MAGI1: variants seen among roughly 807,000 people sequenced by gnomAD.
MAGI1 encodes the protein membrane-associated guanylate kinase, WW and PDZ domain-containing protein 1.
Under a neutral mutation model 139.9 loss-of-function variants are expected in MAGI1, and 58 were observed. That is an observed-to-expected ratio of 0.41 (90% confidence interval 0.34 to 0.52). MAGI1 has a LOEUF of 0.52. Among genes scored for constraint, MAGI1 ranks in the 20% least tolerant of loss-of-function variants. The pLI is 0.12. For synonymous variants in MAGI1, 812 were observed against 737.9 expected, an observed-to-expected ratio of 1.10 and a Z score of -1.63; for missense variants, 1,874 against 1,901.6, an observed-to-expected ratio of 0.99 and a Z score of 0.27.
intron 1 of MAGI1, among the ~76,000 whole-genome samples, chr3:65,887,618 T>A (rs950199663): frequency 6.6e-6 from 1 of 152,026 alleles, no homozygotes; most frequent in African/African-American, 2.4e-5. Flanking sequence ...ATAAAACTCA[T>A]GAAAAACTAA....
chr3:65,725,583 A>G (rs2033512684), intron 1 of MAGI1, among the ~76,000 whole-genome samples: 1 of 152,206 alleles, frequency 6.6e-6, no homozygotes, highest in Admixed American at 6.5e-5. Context: ...GCTGGCAAGT[A>G]GGCATGTGGA....
chr3:65,524,796 T>C (rs751282041), intron 2 of MAGI1, among the ~76,000 whole-genome samples: 24 of 152,114 alleles, frequency 1.6e-4, no homozygotes, highest in Non-Finnish European at 2.9e-4. Flanking sequence ...ATTCTAACTC[T>C]CTCTCAGCTC....
intron 16 of MAGI1, 113 bp from the exon 17 acceptor site, chr3:65,379,667 G>C: frequency 6.7e-7 from 1 of 1,496,506 alleles, no homozygotes. Context: ...ACCGAGGGGA[G>C]GAGACAGCAC....
intron 1 of MAGI1, among the ~76,000 whole-genome samples, chr3:65,849,113 C>T (rs777929435): frequency 3.5e-5 from 5 of 141,462 alleles, no homozygotes; most frequent in Non-Finnish European, 7.5e-5. Flanking sequence ...AATCTCCATC[C>T]CCAGGGTTCA....
At chr3:65,656,256 T>C (rs2085869514) in intron 1 of MAGI1, among the ~76,000 whole-genome samples, 1 of 152,170 alleles carries the variant, frequency 6.6e-6, no homozygotes, top group Non-Finnish European at 1.5e-5. Flanking sequence ...AAAACTTGCA[T>C]CCATCTCAAA....
At chr3:65,986,132 G>C (rs2065867609) in intron 1 of MAGI1, among the ~76,000 whole-genome samples, 1 of 152,102 alleles carries the variant, frequency 6.6e-6, no homozygotes, top group Admixed American at 6.5e-5. Context: ...ATTGATCATG[G>C]TGCCTCTTCT....
chr3:65,505,546 G>A (rs2077248166), intron 2 of MAGI1, among the ~76,000 whole-genome samples: 1 of 151,798 alleles, frequency 6.6e-6, no homozygotes, highest in Admixed American at 6.6e-5. Context: ...TCGGGAGGCT[G>A]AAGTGGGAGG....
chr3:65,621,343 G>A, intron 2 of MAGI1, among the ~76,000 whole-genome samples: 1 of 152,194 alleles, frequency 6.6e-6, no homozygotes. Context: ...AAGACACTCT[G>A]CTTTCAGCAT....
In MAGI1 at chr3:65,439,995, G is replaced by A. The variant is rs755194226; in HGVS notation, c.1154C>T (p.Thr385Ile). The change falls in exon 9 of 23, where the codon ACA becomes ATA. Residue 385 changes from threonine to isoleucine, a missense_variant. This residue lies in a region of MAGI1 where 648 missense variants were observed against 598.1 expected (regional missense o/e 1.08). Transcript: ENST00000402939. ...TTCTAGAACCGGGTTCTCATATTGTGTCTTCCTGTTGATGTGGCTGGGGAA... is the reference window on the plus strand; with the variant it reads ...TTCTAGAACCGGGTTCTCATATTGTATCTTCCTGTTGATGTGGCTGGGGAA... Reference protein sequence around the residue: ...IYYVDHINRKTQYENPVLEAK... With the variant: ...IYYVDHINRKIQYENPVLEAK... 3 of 1,613,932 alleles carry A rather than the reference G, an allele frequency of 1.9e-6. No homozygotes were observed. The highest frequency in any genetic ancestry group is 2.5e-6 in the Non-Finnish European group (3 of 1,179,978).
At chr3:66,006,805 GGTTTT>G (rs10529713) in intron 1 of MAGI1, among the ~76,000 whole-genome samples, 3,597 of 147,872 alleles carry the variant, frequency 0.024, 86 homozygotes, top group African/African-American at 0.068. Context: ...TGAAGAACAT[GGTTTT>G]GTTTTGTTTT....
intron 5 of MAGI1, among the ~76,000 whole-genome samples, chr3:65,455,168 G>C (rs988654407): frequency 6.6e-6 from 1 of 152,040 alleles, no homozygotes; most frequent in African/African-American, 2.4e-5. Flanking sequence ...AGAAAGAAGA[G>C]AGATCCCACA....
At chr3:66,008,849 G>C (rs1020547261) in intron 1 of MAGI1, 4 of 152,416 alleles carry the variant, frequency 2.6e-5, no homozygotes, top group African/African-American at 9.6e-5. Flanking sequence ...GGCTCTTGTA[G>C]CTCTAAATAC....
intron 1 of MAGI1, among the ~76,000 whole-genome samples, chr3:65,856,632 T>C (rs1038958265): frequency 6.6e-6 from 1 of 152,132 alleles, no homozygotes; most frequent in Non-Finnish European, 1.5e-5. Flanking sequence ...TCCCCTCCAT[T>C]CTGACATATC....
chr3:65,671,415 T>C lies in MAGI1; in HGVS notation c.314-49327A>G, dbSNP rs377180291. On this transcript the variant is annotated intron_variant, in intron 1 of 22. Transcript: ENST00000402939. Reference sequence around the variant, plus strand: ...TTGTGACAATTAAAAATGTCTCCCATAGGAACCAACTCACCCAAATGAGCT... The same window carrying C: ...TTGTGACAATTAAAAATGTCTCCCACAGGAACCAACTCACCCAAATGAGCT... 1.3e-3 allele frequency among the ~76,000 whole-genome samples: 197 copies of C among 152,238 alleles called. 8 individuals carry two copies. The South Asian group carries it at 0.039, about 30-fold the overall frequency.
intron 1 of MAGI1, among the ~76,000 whole-genome samples, chr3:65,779,309 T>C (rs556530735): frequency 4.6e-5 from 7 of 152,234 alleles, no homozygotes; most frequent in Non-Finnish European, 7.4e-5. Flanking sequence ...ACAAATAGAA[T>C]ATTCTGGTCT....
intron 1 of MAGI1, among the ~76,000 whole-genome samples, chr3:65,808,044 G>A (rs1460097316): frequency 1.3e-5 from 2 of 151,346 alleles, no homozygotes; most frequent in Non-Finnish European, 2.9e-5. Context: ...TGCCCAGGCT[G>A]GAGTGATCTT....
chr3:65,737,599 C>T (rs906878147), intron 1 of MAGI1, among the ~76,000 whole-genome samples: 2 of 152,152 alleles, frequency 1.3e-5, no homozygotes, highest in African/African-American at 4.8e-5. Context: ...TGGTAGCTCA[C>T]TCACAATCAC....
intron 1 of MAGI1, among the ~76,000 whole-genome samples, chr3:65,682,702 T>C (rs981489492): frequency 1.3e-5 from 2 of 152,096 alleles, no homozygotes; most frequent in African/African-American, 4.8e-5. Flanking sequence ...TTACTAGGCA[T>C]GACACCAAAA....
intron 1 of MAGI1, among the ~76,000 whole-genome samples, chr3:65,742,546 G>A (rs542454338): frequency 2.0e-5 from 3 of 152,166 alleles, no homozygotes; most frequent in Non-Finnish European, 2.9e-5. Context: ...GACCCCAGTC[G>A]CTTTTCCCAG....
Sources: allele counts gnomAD v4.1 joint callset (sites outside exome capture counted in the v4.1 genomes callset), GRCh38; gene constraint gnomAD v4.1.1; regional missense constraint gnomAD v4.1.1; transcripts MANE v1.5; gene names NCBI Gene and HGNC (gene_info 2026-07-23, HGNC 2026-07-21).